ROBO1: variants seen among roughly 807,000 people sequenced by gnomAD.
The protein encoded by ROBO1 is roundabout homolog 1.
In ROBO1, 149 loss-of-function variants were observed where a neutral mutation model predicts 195.9. That is an observed-to-expected ratio of 0.76 (90% CI 0.67 to 0.87). ROBO1 has a LOEUF of 0.87. Among genes scored for constraint, ROBO1 ranks in the 40% least tolerant of loss-of-function variants. The pLI is 0.00. For missense variants in ROBO1, 1,933 were observed against 2,068.3 expected (o/e 0.93, Z 1.27); for synonymous variants, 816 against 733.2 (o/e 1.11, Z -1.82).
Position 79,432,848 on chromosome 3 carries a change from A to T in ROBO1, c.88+156976T>A, listed in dbSNP as rs146014224. Among the ~76,000 whole-genome samples the T allele has an allele frequency of 2.4e-3, 367 of 152,272 alleles. 2 individuals carry two copies. The highest frequency in any genetic ancestry group is 8.5e-3 in the African/African-American group (352 of 41,570). ...CTGATTAAATATTACCAACACATGTATAATTTATTTAGGCCATGTATTATT... is the reference window on the plus strand; with the variant it reads ...CTGATTAAATATTACCAACACATGTTTAATTTATTTAGGCCATGTATTATT... On this transcript the variant is annotated intron_variant, in intron 2 of 30. Coordinates refer to ENST00000464233, the MANE Select transcript of ROBO1 (RefSeq NM_002941.4).
intron 1 of ROBO1, among the ~76,000 whole-genome samples, chr3:79,728,110 GTATT>G (rs1209958175): frequency 7.7e-6 from 1 of 130,514 alleles, no homozygotes; most frequent in Non-Finnish European, 1.6e-5. Context: ...GTAAATATAT[GTATT>G]TATTTGTATA....
chr3:78,764,845 T>C (rs772369918), intron 4 of ROBO1, among the ~76,000 whole-genome samples: 33 of 152,096 alleles, frequency 2.2e-4, no homozygotes, highest in Non-Finnish European at 4.3e-4. Flanking sequence ...ACCGATAAAA[T>C]AGATGGTTCA....
intron 4 of ROBO1, among the ~76,000 whole-genome samples, chr3:78,830,794 A>G (rs1284258373): frequency 6.6e-6 from 1 of 152,188 alleles, no homozygotes; most frequent in Non-Finnish European, 1.5e-5. Flanking sequence ...CAGCATATAA[A>G]TCTAGAAATA....
At chr3:79,310,275 C>T (rs1340715626) in intron 2 of ROBO1, among the ~76,000 whole-genome samples, 2 of 152,224 alleles carry the variant, frequency 1.3e-5, no homozygotes, top group Non-Finnish European at 2.9e-5. Flanking sequence ...AGCTGCTCAT[C>T]TGGTTGGCAG....
At chr3:79,538,893 G>C (rs1575990528) in intron 2 of ROBO1, among the ~76,000 whole-genome samples, 1 of 152,224 alleles carries the variant, frequency 6.6e-6, no homozygotes, top group Non-Finnish European at 1.5e-5. Context: ...TTAGCCAGCT[G>C]TTTGGAACTC....
chr3:79,412,314 A>G (rs1276450594), intron 2 of ROBO1, among the ~76,000 whole-genome samples: 2 of 152,126 alleles, frequency 1.3e-5, no homozygotes, highest in Non-Finnish European at 1.5e-5. Flanking sequence ...TTCTGCAGCT[A>G]CTAGTTCCTA....
chr3:78,953,849 T>C (rs1456653166), intron 3 of ROBO1, among the ~76,000 whole-genome samples: 1 of 152,068 alleles, frequency 6.6e-6, no homozygotes, highest in South Asian at 2.1e-4. Context: ...GCATAAGTTC[T>C]AATGCACAAA....
intron 9 of ROBO1, among the ~76,000 whole-genome samples, chr3:78,687,907 A>G (rs1247556731): frequency 6.6e-6 from 1 of 152,218 alleles, no homozygotes; most frequent in South Asian, 2.1e-4. Context: ...CTGAGATTAC[A>G]AGCATGAGTC....
chr3:78,870,247 C>T (rs2035466949), intron 4 of ROBO1, among the ~76,000 whole-genome samples: 1 of 152,266 alleles, frequency 6.6e-6, no homozygotes, highest in Non-Finnish European at 1.5e-5. Flanking sequence ...CAACCCCGTC[C>T]ATTTGCCTAA....
chr3:79,381,373 A>AAAAAG (rs66481962), intron 2 of ROBO1, among the ~76,000 whole-genome samples: 133 of 115,426 alleles, frequency 1.2e-3, no homozygotes, highest in South Asian at 3.4e-3. Context: ...AAAAAAAAAA[A>AAAAAG]AAAAGAAAAG....
At chr3:79,032,068 A>T (rs2078306488) in intron 3 of ROBO1, among the ~76,000 whole-genome samples, 1 of 152,092 alleles carries the variant, frequency 6.6e-6, no homozygotes, top group Admixed American at 6.5e-5. Context: ...TCATGAAATG[A>T]GCTTTCTAAA....
chr3:79,392,110 A>T lies in ROBO1; in HGVS notation c.88+197714T>A, dbSNP rs145433140. Among the ~76,000 whole-genome samples the T allele has an allele frequency of 2.9e-4, 44 of 152,330 alleles. No individual in the cohort carries two copies. In the East Asian group the frequency reaches 8.3e-3, roughly 29 times the overall value. On this transcript the variant is annotated intron_variant, in intron 2 of 30. Transcript: ENST00000464233. Reference sequence around the variant, plus strand: ...AAAGTGGAGCTGAAGGAAATGGTCCAAATCTCATTTTCACTCAAGGAAGGG... The same window carrying T: ...AAAGTGGAGCTGAAGGAAATGGTCCTAATCTCATTTTCACTCAAGGAAGGG...
rs573249536 is a variant in ROBO1 at position 79,453,207 on chromosome 3, A to G, written c.88+136617T>C. Among the ~76,000 whole-genome samples, 4 of 152,168 alleles carry G rather than the reference A, an allele frequency of 2.6e-5. No homozygotes were observed. The South Asian group carries it at 8.3e-4, about 32-fold the overall frequency. ...GAGGCTGCATGGTGCTCTGAGTGAA[A>G]GTAGATTCTGACTACAGGGCTTTCA... On this transcript the variant is annotated intron_variant, in intron 2 of 30. Transcript: ENST00000464233.
Position 78,950,657 on chromosome 3 carries a change from TATA to T in ROBO1, c.173-11733_173-11731del, listed in dbSNP as rs1007712406. Among the ~76,000 whole-genome samples, 105 of 150,624 alleles carry T rather than the reference TATA, an allele frequency of 7.0e-4. 2 individuals are homozygous for T. Among genetic ancestry groups the T allele is most frequent in the Admixed American group, 2.4e-3 (36 of 15,114 alleles). On this transcript the variant is annotated intron_variant, in intron 3 of 30. Transcript: ENST00000464233. ...TGCACATGTACCCTAAAACTTAAAGTATAATAATAATAAAATAAATGTAATATT... is the reference window on the plus strand; with the variant it reads ...TGCACATGTACCCTAAAACTTAAAGTATAATAATAAAATAAATGTAATATT...
intron 5 of ROBO1, among the ~76,000 whole-genome samples, chr3:78,732,006 T>G (rs2108194064): frequency 6.6e-6 from 1 of 152,242 alleles, no homozygotes; most frequent in South Asian, 2.1e-4. Flanking sequence ...TTACATGCAT[T>G]ATTTTTAACG....
intron 4 of ROBO1, among the ~76,000 whole-genome samples, chr3:78,870,884 T>A (rs989054871): frequency 2.0e-5 from 3 of 152,132 alleles, no homozygotes; most frequent in African/African-American, 7.2e-5. Flanking sequence ...TCGATGAAAT[T>A]TTCTTTCCTT....
chr3:78,949,413 G>T (rs1281313634), intron 3 of ROBO1, among the ~76,000 whole-genome samples: 5 of 147,628 alleles, frequency 3.4e-5, no homozygotes, highest in East Asian at 2.0e-4. Flanking sequence ...AATGGGGAAA[G>T]GATTCCCTAT....
At chr3:78,677,712 C>T (rs944328365) in intron 10 of ROBO1, among the ~76,000 whole-genome samples, 2 of 152,062 alleles carry the variant, frequency 1.3e-5, no homozygotes, top group African/African-American at 2.4e-5. Flanking sequence ...TAGACTCCCA[C>T]ACAATAATAA....
intron 3 of ROBO1, among the ~76,000 whole-genome samples, chr3:79,021,940 G>A (rs1012940710): frequency 3.3e-5 from 5 of 152,166 alleles, no homozygotes; most frequent in Non-Finnish European, 5.9e-5. Flanking sequence ...GATTACAGGC[G>A]TGAGCCCTGC....
Sources: gnomAD v4.1 joint callset for allele counts (sites outside exome capture counted in the v4.1 genomes callset) on GRCh38, gnomAD v4.1.1 for gene constraint, MANE v1.5 for transcripts, NCBI Gene and HGNC (gene_info 2026-07-23, HGNC 2026-07-21) for gene names.